Variants in HYCC2 observed in about 807,000 individuals in gnomAD.
HYCC2 encodes the protein hyccin PI4KA lipid kinase complex subunit 2, also known as hyccin 2.
chr2:201,003,110 A>C, the HYCC2 span, among the ~76,000 whole-genome samples: 1 of 152,162 alleles, frequency 6.6e-6, no homozygotes, highest in Non-Finnish European at 1.5e-5. Context: ...TTTGTTGCCC[A>C]GGTTGGAGTG....
At chr2:201,037,872 A>C in the HYCC2 span, among the ~76,000 whole-genome samples, 1 of 152,178 alleles carries the variant, frequency 6.6e-6, no homozygotes, top group African/African-American at 2.4e-5. Flanking sequence ...TAATGGCAAC[A>C]AAAGCCAAAA....
At chr2:201,030,099 A>G in the HYCC2 span, among the ~76,000 whole-genome samples, 1 of 152,094 alleles carries the variant, frequency 6.6e-6, no homozygotes, top group African/African-American at 2.4e-5. Flanking sequence ...AAACAAAAAC[A>G]AAAAGTCCGG....
chr2:200,973,727 A>G, the HYCC2 span: 1 of 152,158 alleles, frequency 6.6e-6, no homozygotes, highest in Non-Finnish European at 1.5e-5. Context: ...ATCCAGTTAA[A>G]AGCCAAATAG....
At chr2:201,027,019 C>A in the HYCC2 span, among the ~76,000 whole-genome samples, 1 of 152,080 alleles carries the variant, frequency 6.6e-6, no homozygotes, top group East Asian at 1.9e-4. Flanking sequence ...ATCCATGAAT[C>A]CAGGAGCTGG....
At chr2:200,995,395 T>C in the HYCC2 span, among the ~76,000 whole-genome samples, 2 of 152,224 alleles carry the variant, frequency 1.3e-5, no homozygotes, top group South Asian at 4.1e-4. Context: ...CACTGTGTCA[T>C]GCCCTTCCCC....
chr2:201,066,229 G>A, the HYCC2 span, among the ~76,000 whole-genome samples: 3 of 151,938 alleles, frequency 2.0e-5, no homozygotes, highest in Non-Finnish European at 4.4e-5. Context: ...GTGCACCACC[G>A]TGCCCAGCTA....
chr2:201,019,438 AC>A, the HYCC2 span, among the ~76,000 whole-genome samples: 600 of 152,284 alleles, frequency 3.9e-3, 2 homozygotes, highest in African/African-American at 0.014. Context: ...TTAATCAGAT[AC>A]TACTACAAAG....
the HYCC2 span, among the ~76,000 whole-genome samples, chr2:201,028,615 G>C: frequency 3.3e-5 from 5 of 151,494 alleles, no homozygotes; most frequent in Admixed American, 6.6e-5. Context: ...CCAAAACAGA[G>C]ATATAGACCA....
At chr2:200,998,530 T>G in the HYCC2 span, among the ~76,000 whole-genome samples, 4 of 152,212 alleles carry the variant, frequency 2.6e-5, no homozygotes, top group Non-Finnish European at 5.9e-5. Flanking sequence ...AAAGCAACTT[T>G]AGAACAGAGA....
At chr2:200,993,106 A>T in the HYCC2 span, 20,046 of 776,658 alleles carry the variant, frequency 0.026, 782 homozygotes, top group African/African-American at 0.14. Context: ...CCTCAAGTAT[A>T]TATTGAGTGC....
the HYCC2 span, chr2:200,988,331 T>C: frequency 6.2e-7 from 1 of 1,613,914 alleles, no homozygotes; most frequent in Admixed American, 1.7e-5. Context: ...CTCGGCACTG[T>C]TGGAGTGACT....
chr2:201,036,082 A>C, the HYCC2 span, among the ~76,000 whole-genome samples: 2 of 152,230 alleles, frequency 1.3e-5, no homozygotes, highest in South Asian at 2.1e-4. Flanking sequence ...TCCCACAGAA[A>C]TACAAACTAC....
the HYCC2 span, among the ~76,000 whole-genome samples, chr2:200,998,978 C>A: frequency 2.6e-5 from 4 of 152,134 alleles, no homozygotes; most frequent in Admixed American, 2.0e-4. Flanking sequence ...GAGATTTATT[C>A]TCTGAAAGGA....
At chr2:201,042,005 G>A in the HYCC2 span, among the ~76,000 whole-genome samples, 12 of 151,314 alleles carry the variant, frequency 7.9e-5, no homozygotes, top group South Asian at 1.9e-3. Flanking sequence ...CTCTGATGCC[G>A]AGCCGAGGCT....
chr2:201,009,650 C>T, the HYCC2 span, among the ~76,000 whole-genome samples: 2 of 151,878 alleles, frequency 1.3e-5, no homozygotes, highest in Non-Finnish European at 2.9e-5. Context: ...AGTAGAGACG[C>T]GGTTTCGCCA....
the HYCC2 span, among the ~76,000 whole-genome samples, chr2:200,984,051 T>A: frequency 2.0e-5 from 3 of 152,174 alleles, no homozygotes; most frequent in African/African-American, 4.8e-5. Context: ...TTTTATTATT[T>A]TTTTTTGAGA....
chr2:201,049,446 G>A, the HYCC2 span, among the ~76,000 whole-genome samples: 2 of 151,762 alleles, frequency 1.3e-5, no homozygotes, highest in Non-Finnish European at 2.9e-5. Flanking sequence ...GCCTCCCGGG[G>A]TTCAAAAGAT....
the HYCC2 span, among the ~76,000 whole-genome samples, chr2:201,034,277 A>C: frequency 2.6e-5 from 4 of 152,206 alleles, no homozygotes; most frequent in African/African-American, 9.6e-5. Context: ...AGCTTAACTA[A>C]ATCTGGGTGC....
the HYCC2 span, among the ~76,000 whole-genome samples, chr2:201,044,445 GC>G: frequency 3.3e-3 from 508 of 152,304 alleles, 1 homozygote; most frequent in African/African-American, 0.011. Flanking sequence ...ATAATAAGCT[GC>G]TGGAATGTGA....
Sources: allele counts gnomAD v4.1 joint callset (sites outside exome capture counted in the v4.1 genomes callset), GRCh38; gene constraint gnomAD v4.1.1; transcripts MANE v1.5; gene names NCBI Gene and HGNC (gene_info 2026-07-23, HGNC 2026-07-21).